Variants in BBS9 observed in about 807,000 individuals in gnomAD.
BBS9 encodes Bardet-Biedl syndrome 9.
Under a neutral mutation model 117.7 loss-of-function variants are expected in BBS9, and 89 were observed. The observed-to-expected ratio is 0.76, with a 90% CI of 0.64 to 0.90. The LOEUF (loss-of-function observed/expected upper bound fraction) is 0.90. BBS9 is among the 40% of genes least tolerant of loss of function. The pLI is 0.00. For missense variants in BBS9, 982 were observed against 1,042.2 expected (o/e 0.94, Z 0.80); for synonymous variants, 379 against 370.9 (o/e 1.02, Z -0.25).
intron 9 of BBS9, among the ~76,000 whole-genome samples, chr7:33,317,873 G>A (rs1315676922): frequency 2.0e-5 from 3 of 152,132 alleles, no homozygotes; most frequent in South Asian, 2.1e-4. Context: ...CCAACCTGGC[G>A]AAACCCCGTC....
intron 21 of BBS9, among the ~76,000 whole-genome samples, chr7:33,629,389 T>C (rs2129228022): frequency 1.3e-5 from 2 of 152,320 alleles, no homozygotes; most frequent in South Asian, 4.1e-4. Flanking sequence ...TTTGTTTGTT[T>C]GTTTTTTTAA....
rs1830465881 is a variant in BBS9 at position 33,408,357 on chromosome 7, A to G, written c.2115+20213A>G. Among the ~76,000 whole-genome samples the G allele has an allele frequency of 3.9e-5, 6 of 152,104 alleles. No homozygotes were observed. In the South Asian group the frequency reaches 1.2e-3, roughly 32 times the overall value. On this transcript the variant is annotated intron_variant, in intron 19 of 22. Coordinates refer to ENST00000242067, the MANE Select transcript of BBS9 (RefSeq NM_198428.3). ...CCGTCTGTCACCCCTTTCCTTGACC[A>G]GGAAAGGGAACTCCCTGACCCCTTG...
chr7:33,589,632 A>G (rs1407981161), intron 21 of BBS9, among the ~76,000 whole-genome samples: 1 of 152,086 alleles, frequency 6.6e-6, no homozygotes, highest in Non-Finnish European at 1.5e-5. Context: ...TTGGCTCGAG[A>G]CACTGAAAGG....
chr7:33,254,997 A>G (rs760803243), intron 5 of BBS9, among the ~76,000 whole-genome samples: 60 of 151,210 alleles, frequency 4.0e-4, no homozygotes, highest in South Asian at 8.3e-4. Flanking sequence ...CCCATTTTTG[A>G]ATTGGTTTAT....
At chr7:33,137,206 C>T (rs556584693) in intron 1 of BBS9, among the ~76,000 whole-genome samples, 7 of 152,214 alleles carry the variant, frequency 4.6e-5, no homozygotes, top group East Asian at 1.9e-4. Flanking sequence ...GGCCGGGTTG[C>T]GACAGCACCT....
Position 33,295,778 on chromosome 7 carries a change from G to C in BBS9, c.1016+21822G>C, listed in dbSNP as rs1264525211. Among the ~76,000 whole-genome samples the C allele has an allele frequency of 2.6e-5, 4 of 152,058 alleles. No individual in the cohort carries two copies. The South Asian group carries it at 6.2e-4, about 24-fold the overall frequency. On this transcript the variant is annotated intron_variant, in intron 9 of 22. Transcript: ENST00000242067. ...ACTATACTGACATCTGTTTGATCCA[G>C]ACTGTTAACAAAATAGTCTAGAAAA...
At chr7:33,334,494 G>GTC (rs1365820868) in intron 9 of BBS9, among the ~76,000 whole-genome samples, 2 of 152,136 alleles carry the variant, frequency 1.3e-5, no homozygotes, top group African/African-American at 4.8e-5. Flanking sequence ...ACAGACTACA[G>GTC]TCACAACTCA....
At chr7:33,311,809 T>C (rs1366692902) in intron 9 of BBS9, among the ~76,000 whole-genome samples, 2 of 136,990 alleles carry the variant, frequency 1.5e-5, no homozygotes, top group Non-Finnish European at 1.6e-5. Flanking sequence ...AGAGTGAGAC[T>C]CCATCTCAAA....
intron 19 of BBS9, among the ~76,000 whole-genome samples, chr7:33,442,471 C>T (rs1185110080): frequency 1.3e-5 from 2 of 152,040 alleles, no homozygotes; most frequent in Non-Finnish European, 1.5e-5. Context: ...ATTTGAAGTA[C>T]TTTGGAAACA....
chr7:33,484,504 A>G (rs928746131), intron 19 of BBS9, among the ~76,000 whole-genome samples: 1 of 152,154 alleles, frequency 6.6e-6, no homozygotes, highest in Non-Finnish European at 1.5e-5. Flanking sequence ...TGGTTTTTCA[A>G]CAGCATTTTG....
Position 33,357,895 on chromosome 7 carries a change from A to G in BBS9, c.1593A>G (p.Leu531=), listed in dbSNP as rs1819915912. Reference sequence around the variant, plus strand: ...TCCAATGTAAATTTAGACTTCCCCTAAAGTTAATTTGCCTACCAGGTCAGC... The same window carrying G: ...TCCAATGTAAATTTAGACTTCCCCTGAAGTTAATTTGCCTACCAGGTCAGC... ...RVIQCKFRLP[L]KLICLPGQPS... is the part of the protein sequence containing the mutation. Residue 531 remains leucine (L), a synonymous_variant, in exon 16 of 23, where the codon CTA becomes CTG. Transcript: ENST00000242067. 2.5e-6 allele frequency: 4 copies of G among 1,611,900 alleles called. No homozygotes were observed. The Admixed American group carries it at 6.7e-5, about 27-fold the overall frequency.
chr7:33,197,748 C>A (rs542986835), intron 5 of BBS9, among the ~76,000 whole-genome samples: 24 of 151,374 alleles, frequency 1.6e-4, no homozygotes, highest in Middle Eastern at 3.4e-3. Flanking sequence ...TTTATGTGGA[C>A]AATACAAAAA....
chr7:33,190,984 C>T lies in BBS9; in HGVS notation c.442+13393C>T, dbSNP rs114870718. 7.3e-3 allele frequency among the ~76,000 whole-genome samples: 1,109 copies of T among 152,234 alleles called. 10 individuals carry two copies. The highest frequency in any genetic ancestry group is 0.025 in the African/African-American group (1,037 of 41,514). On this transcript the variant is annotated intron_variant, in intron 5 of 22. Coordinates refer to ENST00000242067, the MANE Select transcript of BBS9 (RefSeq NM_198428.3). ...AGTAGAACACAATAAGCTTTATTTGCGTGGTGCTTTGGCAGGATTGCATTC... is the reference window on the plus strand; with the variant it reads ...AGTAGAACACAATAAGCTTTATTTGTGTGGTGCTTTGGCAGGATTGCATTC...
chr7:33,589,940 A>G (rs183380334), intron 21 of BBS9, among the ~76,000 whole-genome samples: 20 of 152,234 alleles, frequency 1.3e-4, no homozygotes, highest in Admixed American at 2.6e-4. Flanking sequence ...TGTAACTTTT[A>G]GGAAGTTTGG....
chr7:33,345,724 A>T (rs1366470340), intron 12 of BBS9, among the ~76,000 whole-genome samples: 1 of 152,224 alleles, frequency 6.6e-6, no homozygotes, highest in Non-Finnish European at 1.5e-5. Context: ...AAAAAGAAAT[A>T]ACTGTCGAGT....
In BBS9 at chr7:33,273,177, T is replaced by C; in HGVS notation, c.868T>C (p.Phe290Leu). Reference sequence around the variant, plus strand: ...GAAGCTTGATTGGAGCCCAAGTTGTTTTCTGCCATATTGCTCAGGTGTGTA... The same window carrying C: ...GAAGCTTGATTGGAGCCCAAGTTGTCTTCTGCCATATTGCTCAGGTGTGTA... ...MKKLDWSPSC[F>L]LPYCSVSEGT... The change falls in exon 8 of 23, where the codon TTT becomes CTT. Residue 290 changes from phenylalanine to leucine, a missense_variant. Physicochemically the swap from Phe to Leu is conservative, Grantham distance 22 (BLOSUM62 0). Transcript: ENST00000242067. The C allele has an allele frequency of 2.5e-6, 4 of 1,613,762 alleles. No homozygotes were observed. Among genetic ancestry groups the C allele is most frequent in the Non-Finnish European group, 3.4e-6 (4 of 1,179,790 alleles).
At chr7:33,317,109 C>T (rs1371908952) in intron 9 of BBS9, among the ~76,000 whole-genome samples, 2 of 152,130 alleles carry the variant, frequency 1.3e-5, no homozygotes, top group Non-Finnish European at 2.9e-5. Context: ...ATTGAAAAGA[C>T]TTTCCTTTCC....
intron 2 of BBS9, among the ~76,000 whole-genome samples, chr7:33,148,710 G>A (rs1046224539): frequency 6.6e-6 from 1 of 150,564 alleles, no homozygotes; most frequent in Non-Finnish European, 1.5e-5. Context: ...TGCTGCCCAG[G>A]ATGGAGTGCA....
At chr7:33,541,421 C>G (rs1327964150) in intron 21 of BBS9, among the ~76,000 whole-genome samples, 1 of 152,106 alleles carries the variant, frequency 6.6e-6, no homozygotes, top group African/African-American at 2.4e-5. Flanking sequence ...ACACTCTTAT[C>G]GCTTATTTAG....
Sources: allele counts gnomAD v4.1 joint callset (sites outside exome capture counted in the v4.1 genomes callset), GRCh38; gene constraint gnomAD v4.1.1; transcripts MANE v1.5; gene names NCBI Gene and HGNC (gene_info 2026-07-23, HGNC 2026-07-21).